Variants in LRP1B observed in about 807,000 individuals in gnomAD.
LRP1B encodes LDL receptor related protein 1B.
LRP1B carries 217 observed loss-of-function variants against 556.6 expected under a neutral mutation model. The ratio of observed to expected loss-of-function variants is 0.39; its 90% CI spans 0.35 to 0.44. LRP1B has a LOEUF of 0.44. Ranked by LOEUF, LRP1B falls within the 20% of genes least tolerant of loss-of-function variation. The pLI, the probability that LRP1B is intolerant of heterozygous loss-of-function variation, is 1.00. For synonymous variants in LRP1B, 2,047 were observed against 1,865.8 expected (o/e 1.10, Z -2.50); for missense variants, 5,053 against 5,620.8 (o/e 0.90, Z 3.23).
At chr2:140,992,079 A>G (rs1183099601) in intron 16 of LRP1B, among the ~76,000 whole-genome samples, 1 of 152,088 alleles carries the variant, frequency 6.6e-6, no homozygotes, top group Non-Finnish European at 1.5e-5. Context: ...GGCAGGCATA[A>G]TAGAAAGCCA....
At position 140,775,983 on chromosome 2, in the gene LRP1B, T is replaced by C. The variant is rs528084251; in HGVS notation, c.5500+115A>G. 3.9e-5 allele frequency: 35 copies of C among 906,914 alleles called. No individual in the cohort carries two copies. The East Asian group carries it at 9.9e-4, about 26-fold the overall frequency. The allele number at this position is 906,914 out of a possible 1,614,324, so 56.2% of individuals were successfully genotyped here. A position where few individuals can be genotyped will look rare whatever the true frequency, so the allele number is the denominator to read the frequency against. ...TAGTAAGCAACATTTTCCTTTTTTC[T>C]CTGTTTTTATTAGAAGCAAGAATAG... is the stretch of plus-strand genomic sequence containing the variant. On this transcript the variant is annotated intron_variant, in intron 33 of 90. Transcript: ENST00000389484.
intron 7 of LRP1B, among the ~76,000 whole-genome samples, chr2:141,148,940 G>A (rs1701853073): frequency 6.6e-6 from 1 of 152,058 alleles, no homozygotes. Context: ...AAAAAAGTTA[G>A]CTGGGCATGG....
In LRP1B at chr2:141,981,261, G is replaced by A. The variant is rs572349488; in HGVS notation, c.82+149387C>T. Among the ~76,000 whole-genome samples the A allele has an allele frequency of 3.3e-5, 5 of 152,182 alleles. 1 individual carries two copies. In the South Asian group the frequency reaches 1.0e-3, roughly 32 times the overall value. ...GTATAGAATGGCTGGTTGGGAGCTT[G>A]CTCATTTAGTTAGGGTGGTCAGGAT... is the stretch of plus-strand genomic sequence containing the variant. On this transcript the variant is annotated intron_variant, in intron 1 of 90. Coordinates refer to ENST00000389484, the MANE Select transcript of LRP1B (RefSeq NM_018557.3).
intron 1 of LRP1B, among the ~76,000 whole-genome samples, chr2:141,941,768 T>A (rs1435586): frequency 0.018 from 2,785 of 152,268 alleles, 37 homozygotes; most frequent in Non-Finnish European, 0.028. Flanking sequence ...AAGTCATTAG[T>A]GTGTTTTAGA....
intron 43 of LRP1B, among the ~76,000 whole-genome samples, chr2:140,589,510 C>T (rs938356032): frequency 2.0e-5 from 3 of 152,136 alleles, no homozygotes; most frequent in Non-Finnish European, 4.4e-5. Context: ...TTCATGAAAG[C>T]TTCATTCACA....
chr2:140,825,297 G>A (rs1207444001), intron 31 of LRP1B, among the ~76,000 whole-genome samples: 2 of 152,254 alleles, frequency 1.3e-5, no homozygotes, highest in East Asian at 1.9e-4. Flanking sequence ...TATCAAAGAA[G>A]GGAAATACAG....
intron 7 of LRP1B, among the ~76,000 whole-genome samples, chr2:141,063,289 C>T (rs1164552827): frequency 6.6e-6 from 1 of 151,806 alleles, no homozygotes; most frequent in Non-Finnish European, 1.5e-5. Context: ...AACATACTTA[C>T]ATTATCTAAC....
intron 3 of LRP1B, among the ~76,000 whole-genome samples, chr2:141,357,208 A>G (rs1007829904): frequency 6.6e-6 from 1 of 151,966 alleles, no homozygotes; most frequent in African/African-American, 2.4e-5. Context: ...GGCGTGCACC[A>G]CCACGCCCAG....
intron 41 of LRP1B, among the ~76,000 whole-genome samples, chr2:140,667,991 T>C (rs1685338678): frequency 6.6e-6 from 1 of 151,986 alleles, no homozygotes; most frequent in Non-Finnish European, 1.5e-5. Flanking sequence ...AAACTGAAAA[T>C]TGAAATCAGA....
At chr2:141,985,943 T>C (rs1318223222) in intron 1 of LRP1B, among the ~76,000 whole-genome samples, 1 of 152,028 alleles carries the variant, frequency 6.6e-6, no homozygotes, top group Non-Finnish European at 1.5e-5. Context: ...ATTTTACAAT[T>C]ATGAAAACAG....
At chr2:140,993,478 G>A (rs770945526) in intron 16 of LRP1B, among the ~76,000 whole-genome samples, 1 of 152,024 alleles carries the variant, frequency 6.6e-6, no homozygotes, top group Non-Finnish European at 1.5e-5. Flanking sequence ...GTCAAACATT[G>A]ATTTCTGAGT....
chr2:141,643,604 G>A (rs760979205), intron 2 of LRP1B, among the ~76,000 whole-genome samples: 13 of 152,078 alleles, frequency 8.5e-5, no homozygotes, highest in Non-Finnish European at 1.6e-4. Context: ...ATTGTGAATT[G>A]GTCTAATGGG....
intron 2 of LRP1B, among the ~76,000 whole-genome samples, chr2:141,608,984 AGC>A (rs1688015197): frequency 6.6e-6 from 1 of 152,212 alleles, no homozygotes; most frequent in African/African-American, 2.4e-5. Context: ...TAAGTTGGAT[AGC>A]ACTTCTTTAA....
intron 66 of LRP1B, among the ~76,000 whole-genome samples, chr2:140,435,615 T>C (rs779402652): frequency 1.2e-4 from 18 of 152,074 alleles, no homozygotes; most frequent in Admixed American, 6.6e-5. Flanking sequence ...AGGCTCCTTT[T>C]TAGCTTTGTT....
chr2:141,455,031 G>C (rs1371736328), intron 3 of LRP1B, among the ~76,000 whole-genome samples: 1 of 151,984 alleles, frequency 6.6e-6, no homozygotes, highest in Non-Finnish European at 1.5e-5. Flanking sequence ...AATAGAAAAT[G>C]ACTATCTACC....
chr2:142,025,205 C>G (rs1271251725), intron 1 of LRP1B, among the ~76,000 whole-genome samples: 2 of 152,142 alleles, frequency 1.3e-5, no homozygotes, highest in African/African-American at 4.8e-5. Flanking sequence ...AATCAGTCAG[C>G]AGGTAACTTT....
intron 1 of LRP1B, among the ~76,000 whole-genome samples, chr2:142,122,533 T>C (rs1056021850): frequency 6.6e-6 from 1 of 152,140 alleles, no homozygotes; most frequent in Non-Finnish European, 1.5e-5. Context: ...ATCAATATAG[T>C]GCTCCTGAAC....
At chr2:140,605,630 T>G (rs764643646) in intron 41 of LRP1B, among the ~76,000 whole-genome samples, 1 of 151,860 alleles carries the variant, frequency 6.6e-6, no homozygotes, top group Non-Finnish European at 1.5e-5. Flanking sequence ...TTTCTCTCTC[T>G]GCTTCCTTAC....
At chr2:141,947,384 C>G (rs557625488) in intron 1 of LRP1B, among the ~76,000 whole-genome samples, 2 of 152,098 alleles carry the variant, frequency 1.3e-5, no homozygotes, top group East Asian at 3.9e-4. Context: ...TTGCAGTGAG[C>G]AGAGATCACG....
Sources: gnomAD v4.1 joint callset for allele counts (sites outside exome capture counted in the v4.1 genomes callset) on GRCh38, gnomAD v4.1.1 for gene constraint, MANE v1.5 for transcripts, NCBI Gene and HGNC (gene_info 2026-07-23, HGNC 2026-07-21) for gene names.